Variants in VWC2L observed in about 807,000 individuals in gnomAD.
VWC2L encodes the protein von Willebrand factor C domain-containing protein 2-like.
A neutral mutation model predicts 21.6 loss-of-function variants in VWC2L; 10 were observed. The observed-to-expected ratio is 0.46, with a 90% CI of 0.29 to 0.78. The LOEUF is 0.78. VWC2L is among the 30% of genes least tolerant of loss of function. The probability of loss-of-function intolerance (pLI) is 0.10; values close to 1 mark genes in which losing one functional copy is unlikely to be tolerated. For missense variants in VWC2L, 209 were observed against 277.1 expected, an observed-to-expected ratio of 0.75 and a Z score of 1.74; for synonymous variants, 96 against 94.3, an observed-to-expected ratio of 1.02 and a Z score of -0.10.
At chr2:214,562,531 TG>T (rs1230176947) in intron 3 of VWC2L, among the ~76,000 whole-genome samples, 1 of 152,198 alleles carries the variant, frequency 6.6e-6, no homozygotes, top group Non-Finnish European at 1.5e-5. Flanking sequence ...CTGGGCCAAA[TG>T]GTATTTCTGG....
chr2:214,559,380 G>A (rs892311020), intron 3 of VWC2L, among the ~76,000 whole-genome samples: 1 of 151,318 alleles, frequency 6.6e-6, no homozygotes, highest in African/African-American at 2.4e-5. Context: ...TTATCTTTTG[G>A]CCCCCTCCCA....
intron 3 of VWC2L, among the ~76,000 whole-genome samples, chr2:214,561,774 T>G (rs1689975726): frequency 1.9e-5 from 2 of 104,212 alleles, no homozygotes; most frequent in African/African-American, 9.3e-5. Flanking sequence ...ATACCTTATC[T>G]CAAAAAAAAT....
intron 2 of VWC2L, among the ~76,000 whole-genome samples, chr2:214,419,319 A>C (rs1702399687): frequency 3.9e-5 from 6 of 152,318 alleles, no homozygotes; most frequent in Admixed American, 3.9e-4. Context: ...AATACATTAT[A>C]ATAGCAGTTT....
At chr2:214,475,362 T>C (rs1688499585) in intron 3 of VWC2L, among the ~76,000 whole-genome samples, 1 of 151,616 alleles carries the variant, frequency 6.6e-6, no homozygotes, top group Non-Finnish European at 1.5e-5. Flanking sequence ...AACATGCTTG[T>C]TAGTAAACTA....
chr2:214,536,915 T>TC (rs1200817925), intron 3 of VWC2L: 1 of 151,862 alleles, frequency 6.6e-6, no homozygotes, highest in Non-Finnish European at 1.5e-5. Flanking sequence ...TTGCTTTTTT[T>TC]CTCCCTCTTG....
intron 3 of VWC2L, among the ~76,000 whole-genome samples, chr2:214,567,512 C>T (rs1387656607): frequency 6.7e-6 from 1 of 149,234 alleles, no homozygotes; most frequent in African/African-American, 2.5e-5. Flanking sequence ...TGTAGCTGGA[C>T]TTTCCCCTAT....
intron 3 of VWC2L, among the ~76,000 whole-genome samples, chr2:214,529,464 G>A (rs373879458): frequency 2.0e-5 from 3 of 152,206 alleles, no homozygotes; most frequent in African/African-American, 4.8e-5. Flanking sequence ...AGAAAACTAC[G>A]GAAACTCAAT....
intron 3 of VWC2L, among the ~76,000 whole-genome samples, chr2:214,544,757 A>T (rs1689679666): frequency 6.6e-6 from 1 of 152,108 alleles, no homozygotes; most frequent in Non-Finnish European, 1.5e-5. Context: ...ACAAAAGGTT[A>T]ATGGAGTGAT....
At chr2:214,462,543 CCT>C (rs1437206616) in intron 3 of VWC2L, among the ~76,000 whole-genome samples, 2 of 152,134 alleles carry the variant, frequency 1.3e-5, no homozygotes, top group African/African-American at 4.8e-5. Flanking sequence ...CTTGAAGCCC[CCT>C]CTCATTCTTG....
rs570655660 is a variant in VWC2L, at chr2:214,417,453, G to A, written c.390+2870G>A. On this transcript the variant is annotated intron_variant, in intron 2 of 3. Transcript: ENST00000312504. ...TCAAAATAGTATGAGGCTTGGTTAA[G>A]CAAGAGATTTGTCTTCAGGATGCTA... Among the ~76,000 whole-genome samples the A allele has an allele frequency of 1.6e-4, 24 of 152,318 alleles. No individual in the cohort carries two copies. The East Asian group carries it at 4.2e-3, about 27-fold the overall frequency.
chr2:214,528,867 C>A (rs1689386280), intron 3 of VWC2L, among the ~76,000 whole-genome samples: 1 of 152,158 alleles, frequency 6.6e-6, no homozygotes, highest in South Asian at 2.1e-4. Context: ...CTTTTCTTTG[C>A]AATTAAGTTC....
At chr2:214,574,208 T>C (rs1252117962) in intron 3 of VWC2L, among the ~76,000 whole-genome samples, 1 of 152,162 alleles carries the variant, frequency 6.6e-6, no homozygotes, top group African/African-American at 2.4e-5. Flanking sequence ...GACAGCTTGC[T>C]AGCTGTTTGT....
intron 3 of VWC2L, among the ~76,000 whole-genome samples, chr2:214,517,235 C>T (rs919022252): frequency 4.6e-5 from 7 of 152,210 alleles, no homozygotes; most frequent in Non-Finnish European, 8.8e-5. Context: ...GTACCCCAGA[C>T]TCTCAAGGTT....
At position 214,411,999 on chromosome 2, in the gene VWC2L, G is replaced by T. The variant is rs748161145; in HGVS notation, c.-81+213G>T. Among the ~76,000 whole-genome samples, 62 of 151,096 alleles carry T rather than the reference G, an allele frequency of 4.1e-4. 1 individual carries two copies. The highest frequency in any genetic ancestry group is 5.9e-5 in the Non-Finnish European group (4 of 67,868). ...CTTCTCTTAAATAGTATCTTAAATT[G>T]TACTAGGGCAGCTCAATTATGAAGG... On this transcript the variant is annotated intron_variant, in intron 1 of 3. Transcript: ENST00000312504.
At chr2:214,500,742 G>A (rs749854051) in intron 3 of VWC2L, among the ~76,000 whole-genome samples, 1 of 152,212 alleles carries the variant, frequency 6.6e-6, no homozygotes, top group Non-Finnish European at 1.5e-5. Flanking sequence ...TAAGAATGAA[G>A]GAGAGAATCA....
intron 3 of VWC2L, among the ~76,000 whole-genome samples, chr2:214,446,530 A>G (rs1574568712): frequency 6.6e-6 from 1 of 152,234 alleles, no homozygotes; most frequent in Non-Finnish European, 1.5e-5. Context: ...AATTAATGCC[A>G]TGTTCATTTC....
chr2:214,474,004 T>C (rs562026066), intron 3 of VWC2L, among the ~76,000 whole-genome samples: 1 of 152,244 alleles, frequency 6.6e-6, no homozygotes, highest in East Asian at 1.9e-4. Flanking sequence ...ACCTTAATCA[T>C]AGCAGACACT....
At position 214,480,996 on chromosome 2, in the gene VWC2L, A is replaced by G. The variant is rs567944214; in HGVS notation, c.520+44238A>G. Among the ~76,000 whole-genome samples, 172 of 152,284 alleles carry G rather than the reference A, an allele frequency of 1.1e-3. 3 individuals are homozygous for G. The South Asian group carries it at 0.035, about 31-fold the overall frequency. ...TGTTTACTATTATAACCTAAAGCCA[A>G]ACTGAGCTAAAGTACTGAGCTAAGT... On this transcript the variant is annotated intron_variant, in intron 3 of 3. Transcript: ENST00000312504.
At position 214,468,288 on chromosome 2, in the gene VWC2L, C is replaced by T. The variant is rs534978383; in HGVS notation, c.520+31530C>T. Among the ~76,000 whole-genome samples the T allele has an allele frequency of 3.9e-5, 6 of 152,322 alleles. 1 individual carries two copies. Among genetic ancestry groups the T allele is most frequent in the African/African-American group, 1.4e-4 (6 of 41,574 alleles). On this transcript the variant is annotated intron_variant, in intron 3 of 3. Transcript: ENST00000312504. ...CGCCTTGGCCTCAGTTCTGGGATTA[C>T]AGGCGTGAGCCATTGCACCTGGCCA...
Sources: allele counts gnomAD v4.1 joint callset (sites outside exome capture counted in the v4.1 genomes callset), GRCh38; gene constraint gnomAD v4.1.1; transcripts MANE v1.5; gene names NCBI Gene and HGNC (gene_info 2026-07-23, HGNC 2026-07-21).